Variants in ADAMTSL3 observed in about 807,000 individuals in gnomAD.
ADAMTSL3 encodes ADAMTS-like protein 3.
Under a neutral mutation model 201.7 loss-of-function variants are expected in ADAMTSL3, and 128 were observed. The observed-to-expected ratio is 0.63, with a 90% CI of 0.55 to 0.73. The LOEUF (loss-of-function observed/expected upper bound fraction) is 0.73, where lower values mean the gene tolerates loss of function less well. Ranked by LOEUF, ADAMTSL3 falls within the 30% of genes least tolerant of loss-of-function variation. The pLI, the probability that ADAMTSL3 is intolerant of heterozygous loss-of-function variation, is 0.00. For missense variants in ADAMTSL3, 1,990 were observed against 2,119.6 expected (o/e 0.94, Z 1.20); for synonymous variants, 738 against 748.4 (o/e 0.99, Z 0.23).
chr15:83,788,207 CTAATTTTCATTCACTT>C (rs1483834035), intron 4 of ADAMTSL3, among the ~76,000 whole-genome samples: 5 of 152,186 alleles, frequency 3.3e-5, no homozygotes, highest in Middle Eastern at 3.4e-3. Flanking sequence ...ATTCACTTTT[CTAATTTTCATTCACTT>C]TAATTTTCTT....
chr15:83,765,726 T>C (rs2062878678), intron 3 of ADAMTSL3, among the ~76,000 whole-genome samples: 2 of 152,222 alleles, frequency 1.3e-5, no homozygotes, highest in South Asian at 2.1e-4. Flanking sequence ...ATCCAAAATA[T>C]TCCCTAGCTA....
chr15:83,789,439 T>C (rs2063311853), intron 4 of ADAMTSL3, among the ~76,000 whole-genome samples: 2 of 152,134 alleles, frequency 1.3e-5, no homozygotes, highest in African/African-American at 4.8e-5. Flanking sequence ...CTTTTAAATT[T>C]TTTTTTTGTC....
intron 17 of ADAMTSL3, among the ~76,000 whole-genome samples, chr15:83,937,064 G>C (rs1339951617): frequency 6.6e-6 from 1 of 150,968 alleles, no homozygotes; most frequent in East Asian, 1.9e-4. Context: ...CTGCTGGTGG[G>C]AATGTAAATT....
intron 16 of ADAMTSL3, among the ~76,000 whole-genome samples, chr15:83,920,544 T>C (rs2066120622): frequency 6.6e-6 from 1 of 152,244 alleles, no homozygotes; most frequent in African/African-American, 2.4e-5. Context: ...CTCGGGACTT[T>C]ACAGTAGTAC....
chr15:83,945,526 A>G (rs1242972991), intron 19 of ADAMTSL3, among the ~76,000 whole-genome samples: 1 of 152,154 alleles, frequency 6.6e-6, no homozygotes, highest in African/African-American at 2.4e-5. Context: ...AAGGTGTTAG[A>G]GAGGTGGGTA....
intron 7 of ADAMTSL3, among the ~76,000 whole-genome samples, chr15:83,853,275 A>G (rs2064658392): frequency 6.6e-6 from 1 of 152,140 alleles, no homozygotes; most frequent in Non-Finnish European, 1.5e-5. Flanking sequence ...TCTAAAATCT[A>G]ATAATTTTTT....
rs775968227 is a variant in ADAMTSL3, at chr15:83,890,135, G to A, written c.1099G>A (p.Val367Met). The A allele has an allele frequency of 1.4e-5, 23 of 1,613,486 alleles. No individual in the cohort carries two copies. Among genetic ancestry groups the A allele is most frequent in the Non-Finnish European group, 1.9e-5 (22 of 1,179,762 alleles). ...GGYQLNSAEC[V>M]DIRLKRVVPD... ...TTATCAGCTCAATTCTGCTGAATGTGTGGATATCCGCTTGAAGAGGGTAGT... is the reference window on the plus strand; with the variant it reads ...TTATCAGCTCAATTCTGCTGAATGTATGGATATCCGCTTGAAGAGGGTAGT... The change falls in exon 11 of 30, where the codon GTG becomes ATG. Residue 367 changes from valine (V) to methionine (M), a missense_variant. Physicochemically the swap from Val to Met is conservative, Grantham distance 21 (BLOSUM62 1). Coordinates refer to ENST00000286744, the MANE Select transcript of ADAMTSL3 (RefSeq NM_207517.3).
chr15:83,960,701 C>T (rs1030167314), intron 19 of ADAMTSL3, among the ~76,000 whole-genome samples: 6 of 152,096 alleles, frequency 3.9e-5, no homozygotes, highest in Non-Finnish European at 7.4e-5. Context: ...TTTTATTTGT[C>T]TCATCAACTA....
chr15:83,918,177 T>C (rs570606335), intron 16 of ADAMTSL3, among the ~76,000 whole-genome samples: 55 of 152,318 alleles, frequency 3.6e-4, no homozygotes, highest in African/African-American at 1.3e-3. Context: ...CCAGGAACAA[T>C]TGTAAATAAT....
At chr15:83,941,271 TAGG>T (rs1289502702) in intron 17 of ADAMTSL3, among the ~76,000 whole-genome samples, 1 of 151,852 alleles carries the variant, frequency 6.6e-6, no homozygotes, top group Non-Finnish European at 1.5e-5. Context: ...TTTATACAAG[TAGG>T]AGGTGTTTAT....
chr15:83,775,830 C>G (rs1342440143), intron 4 of ADAMTSL3, among the ~76,000 whole-genome samples: 5 of 152,166 alleles, frequency 3.3e-5, no homozygotes, highest in Non-Finnish European at 7.4e-5. Flanking sequence ...TAATATTGCT[C>G]TTTCCTCAGC....
chr15:83,731,817 A>G (rs957325343), intron 3 of ADAMTSL3, among the ~76,000 whole-genome samples: 1 of 152,050 alleles, frequency 6.6e-6, no homozygotes, highest in Middle Eastern at 3.2e-3. Context: ...ACATTATGCT[A>G]AGTGGAATAA....
intron 23 of ADAMTSL3, among the ~76,000 whole-genome samples, chr15:83,995,539 G>A (rs1278022974): frequency 2.0e-5 from 3 of 151,868 alleles, no homozygotes; most frequent in Admixed American, 2.0e-4. Flanking sequence ...AGTGCAATAA[G>A]ATAAAATAAA....
chr15:83,763,080 G>A (rs550216149), intron 3 of ADAMTSL3, among the ~76,000 whole-genome samples: 1 of 152,076 alleles, frequency 6.6e-6, no homozygotes, highest in Non-Finnish European at 1.5e-5. Flanking sequence ...GTAGAGACGG[G>A]GTTTCACCGT....
chr15:83,766,079 A>AT (rs11448678), intron 3 of ADAMTSL3, among the ~76,000 whole-genome samples: 25,637 of 152,086 alleles, frequency 0.17, 2,463 homozygotes, highest in Middle Eastern at 0.32. Context: ...AGGTGCTTCC[A>AT]GCTTCCAGCA....
chr15:83,821,589 CAGA>C (rs1792882387), intron 6 of ADAMTSL3, among the ~76,000 whole-genome samples: 1 of 150,692 alleles, frequency 6.6e-6, no homozygotes, highest in African/African-American at 2.4e-5. Context: ...GATCCCAAGG[CAGA>C]AGAATTTTTC....
intron 16 of ADAMTSL3, among the ~76,000 whole-genome samples, chr15:83,922,030 C>T (rs1396592115): frequency 1.3e-5 from 2 of 152,178 alleles, no homozygotes; most frequent in Non-Finnish European, 2.9e-5. Context: ...GACGTTTCAA[C>T]ACTTGATGTA....
At chr15:83,999,617 T>C (rs2067753274) in intron 23 of ADAMTSL3, among the ~76,000 whole-genome samples, 1 of 152,154 alleles carries the variant, frequency 6.6e-6, no homozygotes, top group African/African-American at 2.4e-5. Context: ...ACACGGTGCA[T>C]GCACAAACAA....
At chr15:83,858,871 A>C (rs773157770) in intron 8 of ADAMTSL3, 31 bp downstream of exon 8, 3 of 1,551,518 alleles carry the variant, frequency 1.9e-6, no homozygotes, top group Non-Finnish European at 2.6e-6. Flanking sequence ...ACATTTTTTA[A>C]TATCCTGAAA....
Sources: allele counts gnomAD v4.1 joint callset (sites outside exome capture counted in the v4.1 genomes callset), GRCh38; gene constraint gnomAD v4.1.1; transcripts MANE v1.5; gene names NCBI Gene and HGNC (gene_info 2026-07-23, HGNC 2026-07-21).